The following ATP12A variants were observed in gnomAD, a reference collection of about 807,000 sequenced individuals.
ATP12A encodes the protein potassium-transporting ATPase alpha chain 2.
In ATP12A, 81 loss-of-function variants were observed where a neutral mutation model predicts 111.2. The ratio of observed to expected loss-of-function variants is 0.73; its 90% CI spans 0.61 to 0.88. ATP12A has a LOEUF of 0.88. ATP12A is among the 40% of genes least tolerant of loss of function. ATP12A has a pLI of 0.00. For missense variants in ATP12A, 1,196 were observed against 1,313.1 expected (o/e 0.91, Z 1.38); for synonymous variants, 498 against 499.8 (o/e 1.00, Z 0.05).
intron 10 of ATP12A, among the ~76,000 whole-genome samples, chr13:24,693,890 C>A (rs1294750926): frequency 1.3e-5 from 2 of 152,214 alleles, no homozygotes; most frequent in African/African-American, 4.8e-5. Context: ...TGGAATTAAA[C>A]CTCTTTGATT....
chr13:24,681,733 A>G lies in ATP12A; in HGVS notation c.168+13A>G, dbSNP rs1874442172. On this transcript the variant is annotated intron_variant, in intron 2 of 22. Transcript: ENST00000381946. ...AGAACTCCATCTGGTCAGTAGCCTT[A>G]AGCCACGGGGTCCTGCCGGCTATGG... 1 of 1,613,942 alleles carries G rather than the reference A, an allele frequency of 6.2e-7. No homozygotes were observed. Among genetic ancestry groups the G allele is most frequent in the Non-Finnish European group, 8.5e-7 (1 of 1,179,978 alleles).
At chr13:24,694,289 C>A (rs148915238) in intron 10 of ATP12A, among the ~76,000 whole-genome samples, 155 bp from the exon 11 acceptor site, 1 of 152,184 alleles carries the variant, frequency 6.6e-6, no homozygotes, top group African/African-American at 2.4e-5. Flanking sequence ...GTTGTTTACA[C>A]GCTTACCACG....
At position 24,707,195 on chromosome 13, in the gene ATP12A, A is replaced by C. The variant is rs978769564; in HGVS notation, c.2338+4A>C. On this transcript the variant is annotated splice_donor_region_variant and intron_variant, in intron 16 of 22. Coordinates refer to ENST00000381946, the MANE Select transcript of ATP12A (RefSeq NM_001676.7). ...ATCGTCACAGGGGTGGAGGAAGGTG[A>C]GTGAGTCTCAGGGGGTCTTCCCAAG... The C allele has an allele frequency of 1.9e-6, 3 of 1,613,472 alleles. No homozygotes were observed. Among genetic ancestry groups the C allele is most frequent in the Admixed American group, 3.3e-5 (2 of 60,000 alleles).
chr13:24,700,922 G>T lies in ATP12A; in HGVS notation c.1881G>T (p.Lys627Asn). Residue 627 changes from lysine to asparagine, a missense_variant and splice_region_variant, in exon 13 of 23, where the codon AAG becomes AAT. Lys to Asn is a moderately conservative substitution (Grantham distance 94, BLOSUM62 0). Coordinates refer to ENST00000381946, the MANE Select transcript of ATP12A (RefSeq NM_001676.7). ...CCAAATGCCGGAGTGCAGGGATCAA[G>T]GTGGGAGTTATTTTCCTGACTCAAG... ...AVTKCRSAGI[K>N]VIMVTGDHPI... The T allele has an allele frequency of 6.2e-7, 1 of 1,612,564 alleles. No individual in the cohort carries two copies. The highest frequency in any genetic ancestry group is 1.1e-5 in the South Asian group (1 of 90,894).
chr13:24,682,940 T>C (rs530462887), intron 2 of ATP12A, among the ~76,000 whole-genome samples: 3 of 149,012 alleles, frequency 2.0e-5, no homozygotes, highest in Non-Finnish European at 4.4e-5. Context: ...GGAAGAGCTC[T>C]GGAGTTATTA....
chr13:24,692,734 C>G, intron 9 of ATP12A, 53 bp from the exon 10 acceptor site: 1 of 1,599,750 alleles, frequency 6.3e-7, no homozygotes, highest in African/African-American at 1.3e-5. Context: ...GACAGTGACT[C>G]ATGGACGGCC....
chr13:24,690,586 C>A lies in ATP12A; in HGVS notation c.682-18C>A. The A allele has an allele frequency of 6.2e-7, 1 of 1,606,744 alleles. No homozygotes were observed. Among genetic ancestry groups the A allele is most frequent in the Non-Finnish European group, 8.5e-7 (1 of 1,176,176 alleles). Reference sequence around the variant, plus strand: ...AATGAGGTACCCAGCTGTGAACCACCTTCAACATTTCTTCTAGGTGGATAA... The same window carrying A: ...AATGAGGTACCCAGCTGTGAACCACATTCAACATTTCTTCTAGGTGGATAA... On this transcript the variant is annotated intron_variant, in intron 6 of 22. Coordinates refer to ENST00000381946, the MANE Select transcript of ATP12A (RefSeq NM_001676.7).
chr13:24,706,105 A>G (rs539074360), intron 14 of ATP12A, among the ~76,000 whole-genome samples: 3 of 152,292 alleles, frequency 2.0e-5, no homozygotes, highest in African/African-American at 7.2e-5. Flanking sequence ...GTACCAAGAA[A>G]TGGTGTTATA....
intron 2 of ATP12A, among the ~76,000 whole-genome samples, chr13:24,684,925 C>A (rs1436911442): frequency 6.6e-6 from 1 of 152,214 alleles, no homozygotes; most frequent in Non-Finnish European, 1.5e-5. Flanking sequence ...GTGGTTTTGC[C>A]ATCAGCCCCA....
chr13:24,690,493 A>G (rs774600745), intron 6 of ATP12A, 21 bp downstream of exon 6: 4 of 1,612,380 alleles, frequency 2.5e-6, no homozygotes, highest in East Asian at 2.2e-5. Context: ...AGGGGTATCC[A>G]CCCCAAGGAC....
intron 13 of ATP12A, among the ~76,000 whole-genome samples, chr13:24,701,137 T>C (rs1486110193): frequency 1.3e-5 from 2 of 152,102 alleles, no homozygotes; most frequent in Admixed American, 1.3e-4. Context: ...AAACAGTAAA[T>C]GCAATGAGAA....
Position 24,694,475 on chromosome 13 carries a change from C to T in ATP12A, c.1409C>T (p.Ala470Val). ...GTGATTGGAGATGCCTCAGAAACTG[C>T]TCTTTTAAAATTCTCAGAGGTCATT... ...KAVIGDASET[A>V]LLKFSEVILG... The change falls in exon 11 of 23, where the codon GCT (alanine) becomes GTT (valine). Residue 470 changes from alanine to valine, a missense_variant. By Grantham distance (64) the Ala-to-Val change is moderately conservative. This residue lies in a region of ATP12A where 1,126 missense variants were observed against 1,228.5 expected (regional missense o/e 0.92). Coordinates refer to ENST00000381946, the MANE Select transcript of ATP12A (RefSeq NM_001676.7). 1 of 1,613,998 alleles carries T rather than the reference C, an allele frequency of 6.2e-7. No individual in the cohort carries two copies. The highest frequency in any genetic ancestry group is 8.5e-7 in the Non-Finnish European group (1 of 1,179,988).
At chr13:24,686,301 G>A (rs192969161) in intron 3 of ATP12A, among the ~76,000 whole-genome samples, 2 of 152,214 alleles carry the variant, frequency 1.3e-5, no homozygotes, top group East Asian at 1.9e-4. Context: ...TTGGCAGGGC[G>A]TGGTGGCACA....
At chr13:24,682,121 GT>G (rs1874486193) in intron 2 of ATP12A, among the ~76,000 whole-genome samples, 1 of 114,922 alleles carries the variant, frequency 8.7e-6, no homozygotes, top group African/African-American at 3.3e-5. Flanking sequence ...TGTGTGTGGT[GT>G]GTGTGTGTGG....
At chr13:24,683,781 C>G (rs191928521) in intron 2 of ATP12A, among the ~76,000 whole-genome samples, 15 of 152,232 alleles carry the variant, frequency 9.9e-5, no homozygotes, top group African/African-American at 1.7e-4. Flanking sequence ...CAGCACAGCA[C>G]CAGACGATAG....
At chr13:24,696,224 C>T (rs12870584) in intron 11 of ATP12A, among the ~76,000 whole-genome samples, 6,942 of 152,156 alleles carry the variant, frequency 0.046, 213 homozygotes, top group South Asian at 0.12. Context: ...GTTGAGGTGC[C>T]GCGCATCAGT....
At position 24,701,931 on chromosome 13, in the gene ATP12A, C is replaced by G; in HGVS notation, c.1882-4C>G. 3 of 1,614,164 alleles carry G rather than the reference C, an allele frequency of 1.9e-6. No homozygotes were observed. Among genetic ancestry groups the G allele is most frequent in the Non-Finnish European group, 2.5e-6 (3 of 1,180,026 alleles). On this transcript the variant is annotated splice_polypyrimidine_tract_variant and splice_region_variant and intron_variant, in intron 13 of 22. Coordinates refer to ENST00000381946, the MANE Select transcript of ATP12A (RefSeq NM_001676.7). Reference sequence around the variant, plus strand: ...CGTGGGCCTTCTCGTTGTCTTTGCTCTAGGTTATTATGGTTACTGGTGATC... The same window carrying G: ...CGTGGGCCTTCTCGTTGTCTTTGCTGTAGGTTATTATGGTTACTGGTGATC...
At chr13:24,690,755 A>G (rs1420308511) in intron 7 of ATP12A, 34 bp downstream of exon 7, 1 of 1,576,272 alleles carries the variant, frequency 6.3e-7, no homozygotes, top group Non-Finnish European at 8.7e-7. Flanking sequence ...CCACATGTCC[A>G]CCTGTGTCCT....
At position 24,691,091 on chromosome 13, in the gene ATP12A, C is replaced by T. The variant is rs369548512; in HGVS notation, c.909C>T (p.Ile303=). ...GNEKTPIAIE[I]EHFVHIVAGV... is the part of the protein sequence containing the mutation. ...AGAAGACGCCCATTGCCATTGAGATCGAGCACTTTGTTCACATTGTGGCAG... is the reference window on the plus strand; with the variant it reads ...AGAAGACGCCCATTGCCATTGAGATTGAGCACTTTGTTCACATTGTGGCAG... Residue 303 remains isoleucine, a synonymous_variant, in exon 8 of 23, where the codon ATC becomes ATT. Coordinates refer to ENST00000381946, the MANE Select transcript of ATP12A (RefSeq NM_001676.7). 1.2e-5 allele frequency: 20 copies of T among 1,614,252 alleles called. No homozygotes were observed. Among genetic ancestry groups the T allele is most frequent in the Admixed American group, 1.0e-4 (6 of 60,030 alleles).
Sources: gnomAD v4.1 joint callset for allele counts (sites outside exome capture counted in the v4.1 genomes callset) on GRCh38, gnomAD v4.1.1 for gene constraint, gnomAD v4.1.1 regional missense constraint, MANE v1.5 for transcripts, NCBI Gene and HGNC (gene_info 2026-07-23, HGNC 2026-07-21) for gene names.